Variants in DBX1 observed in about 807,000 individuals in gnomAD.
DBX1 encodes developing brain homeobox 1.
DBX1 carries 10 observed loss-of-function variants against 20.8 expected under a neutral mutation model. That is an observed-to-expected ratio of 0.48 (90% CI 0.30 to 0.82). The LOEUF is 0.82. DBX1 is among the 40% of genes least tolerant of loss of function. The pLI is 0.07. For missense variants in DBX1, 505 were observed against 468.8 expected, an observed-to-expected ratio of 1.08 and a Z score of -0.71; for synonymous variants, 241 against 213.9, an observed-to-expected ratio of 1.13 and a Z score of -1.11.
At chr11:20,159,132 C>G (rs902288596) in intron 2 of DBX1, 59 bp downstream of exon 2, 1 of 1,202,782 alleles carries the variant, frequency 8.3e-7, no homozygotes, top group Non-Finnish European at 1.2e-6. Context: ...GAGCAGGGAG[C>G]GATGGGCCGG....
In DBX1 at chr11:20,156,910, C is replaced by G; in HGVS notation, c.672+127G>C. 1 of 979,046 alleles carries G rather than the reference C, an allele frequency of 1.0e-6. No individual in the cohort carries two copies. The highest frequency in any genetic ancestry group is 1.5e-6 in the Non-Finnish European group (1 of 649,818). 60.6% of individuals were successfully genotyped at this position (979,046 alleles called of 1,614,324 possible). A position where few individuals can be genotyped will look rare whatever the true frequency, so the allele number is the denominator to read the frequency against. ...AGTGGCCCGTGTACTCACTCCCTCTCTAGGCCTCGGTTTTCCCATCTGTAC... is the reference window on the plus strand; with the variant it reads ...AGTGGCCCGTGTACTCACTCCCTCTGTAGGCCTCGGTTTTCCCATCTGTAC... On this transcript the variant is annotated intron_variant, in intron 3 of 3. Transcript: ENST00000524983. The surrounding 1 kb of genome is among the most constrained non-coding windows in gnomAD (Gnocchi z 4.8).
At position 20,160,270 on chromosome 11, in the gene DBX1, G is replaced by A; in HGVS notation, c.55C>T (p.Pro19Ser). The change falls in exon 1 of 4, where the codon CCC (proline) becomes TCC (serine). Residue 19 changes from proline (P) to serine (S), a missense_variant. Transcript: ENST00000524983. ...TGGGGCAGCGTCAAGGTGGGCGTGG[G>A]CCGCAGGAGGCTAGGGTACCCGGCG... ...PPAGYPSLLR[P>S]TPTLTLPQSL... 1.9e-6 allele frequency: 3 copies of A among 1,540,800 alleles called. No homozygotes were observed. The highest frequency in any genetic ancestry group is 2.6e-6 in the Non-Finnish European group (3 of 1,144,986).
Position 20,156,360 on chromosome 11 carries a change from C to G in DBX1, c.886G>C (p.Asp296His), listed in dbSNP as rs1373589280. 6.2e-7 allele frequency: 1 copy of G among 1,603,078 alleles called. No homozygotes were observed. The highest frequency in any genetic ancestry group is 8.5e-7 in the Non-Finnish European group (1 of 1,172,952). ...CGCGGGTCCCGCAGGTGCTGGGGGT[C>G]GGAGGACGCGTGGTAGGCCAGGCGG... Reference protein sequence around the residue: ...SHRLAYHASSDPQHLRDPRLP... With the variant: ...SHRLAYHASSHPQHLRDPRLP... The change falls in exon 4 of 4, where the codon GAC becomes CAC. Residue 296 changes from aspartate (D) to histidine (H), a missense_variant. Asp to His is a moderately conservative substitution (Grantham distance 81). Coordinates refer to ENST00000524983, the MANE Select transcript of DBX1 (RefSeq NM_001029865.4). The surrounding 1 kb of genome is among the most constrained non-coding windows in gnomAD (Gnocchi z 4.8).
In DBX1 at chr11:20,156,974, G is replaced by T. The variant is rs1023459136; in HGVS notation, c.672+63C>A. The T allele has an allele frequency of 1.6e-5, 24 of 1,542,038 alleles. 1 individual carries two copies. The highest frequency in any genetic ancestry group is 1.3e-4 in the South Asian group (11 of 86,842). On this transcript the variant is annotated intron_variant, in intron 3 of 3. Transcript: ENST00000524983. The surrounding 1 kb of genome is among the most constrained non-coding windows in gnomAD (Gnocchi z 4.8). Reference sequence around the variant, plus strand: ...CCGTTTCCGAACCCTTGCAATTGACGGGTGCGCCGGGGAGGGGTGAAGGGC... The same window carrying T: ...CCGTTTCCGAACCCTTGCAATTGACTGGTGCGCCGGGGAGGGGTGAAGGGC...
chr11:20,156,662 G>C lies in DBX1; in HGVS notation c.673-89C>G, dbSNP rs1483872193. 1.3e-6 allele frequency: 2 copies of C among 1,581,116 alleles called. No individual in the cohort carries two copies. Among genetic ancestry groups the C allele is most frequent in the Admixed American group, 1.7e-5 (1 of 59,988 alleles). On this transcript the variant is annotated intron_variant, in intron 3 of 3. Transcript: ENST00000524983. This position sits in a 1 kb window ranked among gnomAD's most constrained non-coding sequence, Gnocchi z 4.8. The stretch of plus-strand genomic sequence containing the variant: ...CGCACGGGGGCGGGGAGTGGAGTCG[G>C]GTGCAGGCTCTGTCCTTCGGGCTGT...
In DBX1 at chr11:20,156,800, G is replaced by A; in HGVS notation, c.673-227C>T. ...CCGCTGCCACCCTGCCCCGAAGGGC[G>A]GGGTTGGGGGCCGGTGAGGCCGGGA... On this transcript the variant is annotated intron_variant, in intron 3 of 3. Transcript: ENST00000524983. This position sits in a 1 kb window ranked among gnomAD's most constrained non-coding sequence, Gnocchi z 4.8. The A allele has an allele frequency of 1.2e-6, 1 of 809,058 alleles. No individual in the cohort carries two copies. The highest frequency in any genetic ancestry group is 2.2e-5 in the Admixed American group (1 of 44,754). 50.1% of individuals were successfully genotyped at this position (809,058 alleles called of 1,614,324 possible).
intron 2 of DBX1, 81 bp from the exon 3 acceptor site, chr11:20,157,320 A>G: frequency 7.7e-7 from 1 of 1,297,564 alleles, no homozygotes; most frequent in South Asian, 1.3e-5. Flanking sequence ...TTTTGCTCTG[A>G]TCCCTTCATC....
Position 20,156,818 on chromosome 11 carries a change from G to C in DBX1, c.672+219C>G. 2 of 764,002 alleles carry C rather than the reference G, an allele frequency of 2.6e-6. No individual in the cohort carries two copies. Among genetic ancestry groups the C allele is most frequent in the Non-Finnish European group, 4.2e-6 (2 of 471,066 alleles). 47.3% of individuals were successfully genotyped at this position (764,002 alleles called of 1,614,324 possible). On this transcript the variant is annotated intron_variant, in intron 3 of 3. Transcript: ENST00000524983. This position sits in a 1 kb window ranked among gnomAD's most constrained non-coding sequence, Gnocchi z 4.8. ...GAAGGGCGGGGTTGGGGGCCGGTGAGGCCGGGAGAGAAGGCGGGGAGTCGG... is the reference window on the plus strand; with the variant it reads ...GAAGGGCGGGGTTGGGGGCCGGTGACGCCGGGAGAGAAGGCGGGGAGTCGG...
chr11:20,156,821 C>G lies in DBX1; in HGVS notation c.672+216G>C, dbSNP rs1277289860. ...GGGCGGGGTTGGGGGCCGGTGAGGC[C>G]GGGAGAGAAGGCGGGGAGTCGGGGT... On this transcript the variant is annotated intron_variant, in intron 3 of 3. Coordinates refer to ENST00000524983, the MANE Select transcript of DBX1 (RefSeq NM_001029865.4). The surrounding 1 kb of genome is among the most constrained non-coding windows in gnomAD (Gnocchi z 4.8). The G allele has an allele frequency of 2.6e-6, 2 of 761,250 alleles. No homozygotes were observed. The highest frequency in any genetic ancestry group is 1.7e-5 in the African/African-American group (1 of 57,496). The allele number at this position is 761,250 out of a possible 1,614,324, so 47.2% of individuals were successfully genotyped here.
At position 20,160,040 on chromosome 11, in the gene DBX1, C is replaced by A. The variant is rs764491895; in HGVS notation, c.285G>T (p.Pro95=). ...CGCTGGCAGGGGAGAAGGCAGTCGGCGGAGAGCCGCCCCGTCGGCTGCCGG... is the reference window on the plus strand; with the variant it reads ...CGCTGGCAGGGGAGAAGGCAGTCGGAGGAGAGCCGCCCCGTCGGCTGCCGG... ...PGPGSRRGGS[P]PTAFSPASET... is the part of the protein sequence containing the mutation. Residue 95 remains proline (P), a synonymous_variant, in exon 1 of 4, where the codon CCG becomes CCT. Transcript: ENST00000524983. The A allele has an allele frequency of 1.6e-5, 25 of 1,596,732 alleles. No homozygotes were observed. The highest frequency in any genetic ancestry group is 2.0e-5 in the Non-Finnish European group (23 of 1,172,070).
rs139870931 is a variant in DBX1 at position 20,159,254 on chromosome 11, T to A, written c.406A>T (p.Thr136Ser). The change falls in exon 2 of 4, where the codon ACC (threonine) becomes TCC (serine). Residue 136 changes from threonine to serine, a missense_variant. By Grantham distance (58) the Thr-to-Ser change is moderately conservative. Transcript: ENST00000524983. Reference sequence around the variant, plus strand: ...CCTTCGAAGTAGGGAAAGGCGAAGGTCTTGGGAGGGACGCTCTGGAGCAAG... The same window carrying A: ...CCTTCGAAGTAGGGAAAGGCGAAGGACTTGGGAGGGACGCTCTGGAGCAAG... ...PALLQSVPPK[T>S]FAFPYFEGSF... 1.4e-4 allele frequency: 222 copies of A among 1,612,928 alleles called. No homozygotes were observed. The highest frequency in any genetic ancestry group is 1.8e-4 in the Non-Finnish European group (213 of 1,179,726).
In DBX1 at chr11:20,157,004, G is replaced by A. The variant is rs535675478; in HGVS notation, c.672+33C>T. ...CGCCGGGGAGGGGTGAAGGGCGGGG[G>A]CGGGGGGGGTGCTGTGGAGGAAATG... On this transcript the variant is annotated intron_variant, in intron 3 of 3. Transcript: ENST00000524983. 63 of 1,560,230 alleles carry A rather than the reference G, an allele frequency of 4.0e-5. 1 individual carries two copies. The Admixed American group carries it at 1.0e-3, about 25-fold the overall frequency.
chr11:20,160,262 G>C lies in DBX1; in HGVS notation c.63C>G (p.Pro21=). 6.5e-7 allele frequency: 1 copy of C among 1,542,390 alleles called. No individual in the cohort carries two copies. The highest frequency in any genetic ancestry group is 8.7e-7 in the Non-Finnish European group (1 of 1,145,438). ...GCAAGGACTGGGGCAGCGTCAAGGT[G>C]GGCGTGGGCCGCAGGAGGCTAGGGT... ...AGYPSLLRPT[P]TLTLPQSLQS... The change falls in exon 1 of 4, where the codon CCC becomes CCG. Residue 21 remains proline (P), a synonymous_variant. Coordinates refer to ENST00000524983, the MANE Select transcript of DBX1 (RefSeq NM_001029865.4).
In DBX1 at chr11:20,159,257, T is replaced by C; in HGVS notation, c.403A>G (p.Lys135Glu). 6.2e-7 allele frequency: 1 copy of C among 1,613,148 alleles called. No homozygotes were observed. Among genetic ancestry groups the C allele is most frequent in the Non-Finnish European group, 8.5e-7 (1 of 1,179,722 alleles). Residue 135 changes from lysine to glutamate, a missense_variant, in exon 2 of 4, where the codon AAG becomes GAG. Lys to Glu is a moderately conservative substitution (Grantham distance 56). Transcript: ENST00000524983. ...SPALLQSVPP[K>E]TFAFPYFEGS... ...TCGAAGTAGGGAAAGGCGAAGGTCTTGGGAGGGACGCTCTGGAGCAAGGCT... is the reference window on the plus strand; with the variant it reads ...TCGAAGTAGGGAAAGGCGAAGGTCTCGGGAGGGACGCTCTGGAGCAAGGCT...
Position 20,160,038 on chromosome 11 carries a change from G to T in DBX1, c.287C>A (p.Pro96Gln). Residue 96 changes from proline (P) to glutamine (Q), a missense_variant, in exon 1 of 4, where the codon CCG becomes CAG. Physicochemically the swap from Pro to Gln is moderately conservative, Grantham distance 76 (BLOSUM62 -1). Coordinates refer to ENST00000524983, the MANE Select transcript of DBX1 (RefSeq NM_001029865.4). ...GPGSRRGGSP[P>Q]TAFSPASETT... is the part of the protein sequence containing the mutation. Reference sequence around the variant, plus strand: ...CTCGCTGGCAGGGGAGAAGGCAGTCGGCGGAGAGCCGCCCCGTCGGCTGCC... The same window carrying T: ...CTCGCTGGCAGGGGAGAAGGCAGTCTGCGGAGAGCCGCCCCGTCGGCTGCC... 6.3e-7 allele frequency: 1 copy of T among 1,599,588 alleles called. No homozygotes were observed. Among genetic ancestry groups the T allele is most frequent in the Non-Finnish European group, 8.5e-7 (1 of 1,173,382 alleles).
At position 20,156,821 on chromosome 11, in the gene DBX1, C is replaced by A; in HGVS notation, c.672+216G>T. 1.3e-6 allele frequency: 1 copy of A among 761,368 alleles called. No individual in the cohort carries two copies. The highest frequency in any genetic ancestry group is 2.1e-6 in the Non-Finnish European group (1 of 469,352). 47.2% of individuals were successfully genotyped at this position (761,368 alleles called of 1,614,324 possible). ...GGGCGGGGTTGGGGGCCGGTGAGGC[C>A]GGGAGAGAAGGCGGGGAGTCGGGGT... On this transcript the variant is annotated intron_variant, in intron 3 of 3. Coordinates refer to ENST00000524983, the MANE Select transcript of DBX1 (RefSeq NM_001029865.4). The surrounding 1 kb of genome is among the most constrained non-coding windows in gnomAD (Gnocchi z 4.8).
chr11:20,156,749 TC>T lies in DBX1; in HGVS notation c.673-177del. ...TTCCCGCATTGACTCCGCCCCCGCC[TC>T]AGCTCGCGGTTCCGTTTGCCTCATC... On this transcript the variant is annotated intron_variant, in intron 3 of 3. Coordinates refer to ENST00000524983, the MANE Select transcript of DBX1 (RefSeq NM_001029865.4). The surrounding 1 kb of genome is among the most constrained non-coding windows in gnomAD (Gnocchi z 4.8). 2.8e-6 allele frequency: 3 copies of T among 1,072,762 alleles called. No homozygotes were observed. In the South Asian group the frequency reaches 4.0e-5, roughly 14 times the overall value. The allele number at this position is 1,072,762 out of a possible 1,614,324, so 66.5% of individuals were successfully genotyped here. A position where few individuals can be genotyped will look rare whatever the true frequency, so the allele number is the denominator to read the frequency against.
rs374163272 is a variant in DBX1 at position 20,156,887 on chromosome 11, T to C, written c.672+150A>G. 2.5e-6 allele frequency: 2 copies of C among 788,386 alleles called. No individual in the cohort carries two copies. The highest frequency in any genetic ancestry group is 4.1e-6 in the Non-Finnish European group (2 of 487,436). The allele number at this position is 788,386 out of a possible 1,614,324, so 48.8% of individuals were successfully genotyped here. A position where few individuals can be genotyped will look rare whatever the true frequency, so the allele number is the denominator to read the frequency against. On this transcript the variant is annotated intron_variant, in intron 3 of 3. Coordinates refer to ENST00000524983, the MANE Select transcript of DBX1 (RefSeq NM_001029865.4). The surrounding 1 kb of genome is among the most constrained non-coding windows in gnomAD (Gnocchi z 4.8). ...CTATCCTGCGGAGCTTCGAGGGTAG[T>C]GGCCCGTGTACTCACTCCCTCTCTA...
In DBX1 at chr11:20,156,509, G is replaced by C. The variant is rs780340433; in HGVS notation, c.737C>G (p.Ser246Cys). The change falls in exon 4 of 4, where the codon TCT becomes TGT. Residue 246 changes from serine to cysteine, a missense_variant. Physicochemically the swap from Ser to Cys is moderately radical, Grantham distance 112. Coordinates refer to ENST00000524983, the MANE Select transcript of DBX1 (RefSeq NM_001029865.4). This position sits in a 1 kb window ranked among gnomAD's most constrained non-coding sequence, Gnocchi z 4.8. ...WRNSKERELL[S>C]SGGCREQTLP... ...GGTCTGCTCGCGACAGCCCCCGCTA[G>C]ACAGGAGTTCGCGCTCCTTGGAGTT... 3.1e-6 allele frequency: 5 copies of C among 1,613,992 alleles called. No homozygotes were observed. Among genetic ancestry groups the C allele is most frequent in the East Asian group, 4.5e-5 (2 of 44,874 alleles).
Sources: gnomAD v4.1 joint callset for allele counts on GRCh38, gnomAD v4.1.1 for gene constraint, Gnocchi (gnomAD v3.1) non-coding constraint, MANE v1.5 for transcripts, NCBI Gene and HGNC (gene_info 2026-07-23, HGNC 2026-07-21) for gene names.